The following GIT2 variants were observed in gnomAD, a reference collection of about 807,000 sequenced individuals.
The protein encoded by GIT2 is GIT ArfGAP 2, also known as ARF GTPase-activating protein GIT2.
In GIT2, 32 loss-of-function variants were observed where a neutral mutation model predicts 100.3. That is an observed-to-expected ratio of 0.32 (90% CI 0.24 to 0.43). GIT2 has a LOEUF of 0.43. Ranked by LOEUF, GIT2 falls within the 20% of genes least tolerant of loss-of-function variation. The pLI, the probability that GIT2 is intolerant of heterozygous loss-of-function variation, is 1.00. For synonymous variants in GIT2, 353 were observed against 364.1 expected, an observed-to-expected ratio of 0.97 and a Z score of 0.35; for missense variants, 737 against 975.1, an observed-to-expected ratio of 0.76 and a Z score of 3.25.
At chr12:109,994,075 CAAAAAAAA>C (rs34393850) in intron 1 of GIT2, among the ~76,000 whole-genome samples, 3 of 59,710 alleles carry the variant, frequency 5.0e-5, no homozygotes, top group African/African-American at 1.6e-4. Context: ...ACACTAATGG[CAAAAAAAA>C]AAAAAAAAAA....
intron 12 of GIT2, among the ~76,000 whole-genome samples, chr12:109,958,859 A>G (rs1880292017): frequency 6.6e-6 from 1 of 152,226 alleles, no homozygotes; most frequent in South Asian, 2.1e-4. Flanking sequence ...ATTCCTAAGC[A>G]TGCAGACAGG....
At chr12:109,999,773 C>T, upstream of GIT2, 1 of 1,532,380 alleles carries the variant, frequency 6.5e-7, no homozygotes. The surrounding 1 kb of genome is among the most constrained non-coding windows in gnomAD (Gnocchi z 4.3). Flanking sequence ...CGAGAAGGAG[C>T]TGCAGGGCCA....
In GIT2 at chr12:109,961,420, T is replaced by G. The variant is rs372317809; in HGVS notation, c.890-45A>C. On this transcript the variant is annotated intron_variant, in intron 10 of 19. Coordinates refer to ENST00000355312, the MANE Select transcript of GIT2 (RefSeq NM_057169.5). ...AGAGACAAACCTCATCACGCCTGTGTGCCACTGCTCCTGGGAGGCACAGCT... is the reference window on the plus strand; with the variant it reads ...AGAGACAAACCTCATCACGCCTGTGGGCCACTGCTCCTGGGAGGCACAGCT... The G allele has an allele frequency of 1.8e-5, 22 of 1,233,690 alleles. No homozygotes were observed. The African/African-American group carries it at 3.0e-4, about 17-fold the overall frequency. The allele number at this position is 1,233,690 out of a possible 1,614,324, so 76.4% of individuals were successfully genotyped here.
chr12:109,985,107 CTCTAACA>C (rs1379684758), intron 4 of GIT2, among the ~76,000 whole-genome samples: 1 of 152,096 alleles, frequency 6.6e-6, no homozygotes, highest in Non-Finnish European at 1.5e-5. Flanking sequence ...AAGAAATCTA[CTCTAACA>C]TCTAAGTTTA....
At chr12:110,000,041 G>A (rs991859003), upstream of GIT2, among the ~76,000 whole-genome samples, 3 of 152,216 alleles carry the variant, frequency 2.0e-5, no homozygotes, top group African/African-American at 7.2e-5. Context: ...GGACAGAGAA[G>A]GAAACAGGTC....
At chr12:109,990,442 C>T (rs1054213110) in intron 2 of GIT2, among the ~76,000 whole-genome samples, 1 of 152,154 alleles carries the variant, frequency 6.6e-6, no homozygotes, top group Non-Finnish European at 1.5e-5. Flanking sequence ...TGAGCGTGAG[C>T]GGTTAGAAAC....
intron 1 of GIT2, 82 bp from the exon 2 acceptor site, chr12:109,991,842 G>A (rs1593166650): frequency 4.3e-5 from 55 of 1,292,482 alleles, no homozygotes; most frequent in Non-Finnish European, 5.7e-5. Flanking sequence ...CTGAAGTTTG[G>A]TTTGTCAGAA....
intron 12 of GIT2, chr12:109,953,726 A>G (rs1878544788): frequency 1.3e-5 from 2 of 152,336 alleles, no homozygotes; most frequent in South Asian, 4.1e-4. Flanking sequence ...ATAACAGAAA[A>G]AGTTTTCAAC....
chr12:109,973,286 G>A (rs1216510909), intron 7 of GIT2, among the ~76,000 whole-genome samples: 3 of 151,476 alleles, frequency 2.0e-5, no homozygotes, highest in Admixed American at 1.3e-4. Context: ...GATAACAGGC[G>A]CCCACCATCA....
Position 109,957,065 on chromosome 12 carries a change from T to C in GIT2, c.1099+2782A>G, listed in dbSNP as rs142972190. Among the ~76,000 whole-genome samples the C allele has an allele frequency of 3.2e-3, 489 of 152,202 alleles. 3 individuals carry two copies. Among genetic ancestry groups the C allele is most frequent in the Middle Eastern group, 0.01 (3 of 292 alleles). ...TCAAACTTTATTACTTTGTCTCATA[T>C]AATTACTACTATAGTATAAATGTTT... On this transcript the variant is annotated intron_variant, in intron 12 of 19. Transcript: ENST00000355312.
Position 109,934,216 on chromosome 12 carries a change from C to A in GIT2, c.2004-131G>T. 3 of 660,418 alleles carry A rather than the reference C, an allele frequency of 4.5e-6. No individual in the cohort carries two copies. The South Asian group carries it at 5.0e-5, about 11-fold the overall frequency. The allele number at this position is 660,418 out of a possible 1,614,324, so 40.9% of individuals were successfully genotyped here. ...GCTAGGGCTGCAGTCAGCCGTGCATCCCACACCACCAGAGGGCACATGGTT... is the reference window on the plus strand; with the variant it reads ...GCTAGGGCTGCAGTCAGCCGTGCATACCACACCACCAGAGGGCACATGGTT... On this transcript the variant is annotated intron_variant, in intron 18 of 19. Transcript: ENST00000355312. The surrounding 1 kb of genome is among the most constrained non-coding windows in gnomAD (Gnocchi z 4.5).
chr12:109,974,896 T>C (rs956881867), intron 7 of GIT2, among the ~76,000 whole-genome samples: 2 of 152,216 alleles, frequency 1.3e-5, no homozygotes, highest in Non-Finnish European at 2.9e-5. Context: ...TTTGACCTTC[T>C]CTCCTTTTAG....
chr12:109,960,518 T>A (rs1487943513), intron 11 of GIT2, among the ~76,000 whole-genome samples: 1 of 151,824 alleles, frequency 6.6e-6, no homozygotes, highest in African/African-American at 2.4e-5. Context: ...GAGGTGGAGG[T>A]TGCAGTGAGC....
intron 1 of GIT2, among the ~76,000 whole-genome samples, chr12:109,992,485 A>G (rs1229188098): frequency 6.6e-6 from 1 of 152,028 alleles, no homozygotes; most frequent in Non-Finnish European, 1.5e-5. Flanking sequence ...TGCAGATAGC[A>G]TTTTCTGCAG....
At chr12:109,965,994 GT>G (rs752096162) in intron 8 of GIT2, among the ~76,000 whole-genome samples, 4,904 of 122,398 alleles carry the variant, frequency 0.04, 77 homozygotes, top group Non-Finnish European at 0.061. Flanking sequence ...GGTCAGGGTT[GT>G]TTTTTTTTTT....
intron 16 of GIT2, chr12:109,940,452 G>GAC (rs1379331295): frequency 6.6e-6 from 1 of 152,128 alleles, no homozygotes; most frequent in African/African-American, 2.4e-5. Context: ...CAAAACATGG[G>GAC]ACTAAGGAGT....
rs747808493 is a variant in GIT2, at chr12:109,961,397, A to G, written c.890-22T>C. ...CAGACTAGTCAGAGGAAAGAGCCAG[A>G]GACAAACCTCATCACGCCTGTGTGC... On this transcript the variant is annotated intron_variant, in intron 10 of 19. Coordinates refer to ENST00000355312, the MANE Select transcript of GIT2 (RefSeq NM_057169.5). 4 of 1,472,106 alleles carry G rather than the reference A, an allele frequency of 2.7e-6. No individual in the cohort carries two copies. The South Asian group carries it at 3.4e-5, about 13-fold the overall frequency. The allele number at this position is 1,472,106 out of a possible 1,614,324, so 91.2% of individuals were successfully genotyped here.
chr12:109,993,173 T>A (rs1440362130), intron 1 of GIT2, among the ~76,000 whole-genome samples: 4 of 152,140 alleles, frequency 2.6e-5, no homozygotes, highest in Non-Finnish European at 4.4e-5. Flanking sequence ...AATAATTTCA[T>A]ACTTGGCAAG....
Position 109,966,735 on chromosome 12 carries a change from A to C in GIT2, c.764+723T>G, listed in dbSNP as rs1593061022. Among the ~76,000 whole-genome samples the C allele has an allele frequency of 2.0e-5, 3 of 152,244 alleles. No individual in the cohort carries two copies. The East Asian group carries it at 5.8e-4, about 29-fold the overall frequency. ...CAAGATTATATCTGGAATAGCAGTT[A>C]GTCATTTCATAAACTCTTGACAGTT... On this transcript the variant is annotated intron_variant, in intron 8 of 19. Transcript: ENST00000355312.
Sources: gnomAD v4.1 joint callset for allele counts (sites outside exome capture counted in the v4.1 genomes callset) on GRCh38, gnomAD v4.1.1 for gene constraint, Gnocchi (gnomAD v3.1) non-coding constraint, MANE v1.5 for transcripts, NCBI Gene and HGNC (gene_info 2026-07-23, HGNC 2026-07-21) for gene names.